Variants in PBX1 observed in about 807,000 individuals in gnomAD.
PBX1 encodes pre-B-cell leukemia transcription factor 1.
PBX1 carries 6 observed loss-of-function variants against 53.4 expected under a neutral mutation model. The ratio of observed to expected loss-of-function variants is 0.11; its 90% CI spans 0.06 to 0.22. The LOEUF is 0.22. Among genes scored for constraint, PBX1 ranks in the 10% least tolerant of loss-of-function variants. The pLI is 1.00. For missense variants in PBX1, 251 were observed against 551.4 expected, an observed-to-expected ratio of 0.46 and a Z score of 5.46; for synonymous variants, 204 against 212.3, an observed-to-expected ratio of 0.96 and a Z score of 0.34.
chr1:164,787,973 G>A (rs753563487), intron 2 of PBX1, among the ~76,000 whole-genome samples: 4 of 152,054 alleles, frequency 2.6e-5, no homozygotes, highest in Admixed American at 6.5e-5. Context: ...TAGTGGACGC[G>A]TCCGGGCCTG....
At position 164,645,892 on chromosome 1, in the gene PBX1, G is replaced by A. The variant is rs192626068; in HGVS notation, c.265+82581G>A. Among the ~76,000 whole-genome samples, 815 of 152,292 alleles carry A rather than the reference G, an allele frequency of 5.4e-3. 6 individuals carry two copies. The highest frequency in any genetic ancestry group is 0.019 in the African/African-American group (783 of 41,566). ...TTGAATTTTGAGGCAGGAGTTGTGT[G>A]ATAGGTAAAGAACTGCATTGAGAAG... On this transcript the variant is annotated intron_variant, in intron 2 of 8. Coordinates refer to ENST00000420696, the MANE Select transcript of PBX1 (RefSeq NM_002585.4).
At chr1:164,828,105 C>T (rs1282385672) in intron 8 of PBX1, among the ~76,000 whole-genome samples, 1 of 152,084 alleles carries the variant, frequency 6.6e-6, no homozygotes, top group Non-Finnish European at 1.5e-5. Flanking sequence ...AAGTACCAAC[C>T]CCAACCAAAT....
chr1:164,598,392 C>A (rs1655912386), intron 2 of PBX1, among the ~76,000 whole-genome samples: 1 of 152,076 alleles, frequency 6.6e-6, no homozygotes, highest in South Asian at 2.1e-4. Context: ...GGTGTCGAGA[C>A]CAAGGCACAC....
chr1:164,743,872 G>T lies in PBX1; in HGVS notation c.266-48622G>T, dbSNP rs1343380590. Reference sequence around the variant, plus strand: ...AGTATAACACTTACATATATGTACAGTTATCCAGAACTTAGTCCTATGGCT... The same window carrying T: ...AGTATAACACTTACATATATGTACATTTATCCAGAACTTAGTCCTATGGCT... On this transcript the variant is annotated intron_variant, in intron 2 of 8. Coordinates refer to ENST00000420696, the MANE Select transcript of PBX1 (RefSeq NM_002585.4). Among the ~76,000 whole-genome samples the T allele has an allele frequency of 2.6e-5, 4 of 152,182 alleles. No homozygotes were observed. In the East Asian group the frequency reaches 7.7e-4, roughly 29 times the overall value.
chr1:164,571,873 GTATATATATA>G (rs59338120), intron 2 of PBX1, among the ~76,000 whole-genome samples: 864 of 29,908 alleles, frequency 0.029, 17 homozygotes, highest in Middle Eastern at 0.038. Context: ...TCTGTACATT[GTATATATATA>G]TATATATATA....
intron 8 of PBX1, among the ~76,000 whole-genome samples, chr1:164,833,548 G>C (rs1166516704): frequency 6.6e-6 from 1 of 152,136 alleles, no homozygotes; most frequent in African/African-American, 2.4e-5. Flanking sequence ...AGTTCCTTCA[G>C]ACTGTGCCTA....
chr1:164,724,854 C>T (rs1475786299), intron 2 of PBX1, among the ~76,000 whole-genome samples: 2 of 151,942 alleles, frequency 1.3e-5, no homozygotes, highest in African/African-American at 4.8e-5. Flanking sequence ...TTTGTTGCCT[C>T]TCCAGGTGTG....
At chr1:164,637,516 C>T (rs1188823021) in intron 2 of PBX1, among the ~76,000 whole-genome samples, 4 of 152,090 alleles carry the variant, frequency 2.6e-5, no homozygotes, top group Non-Finnish European at 5.9e-5. Flanking sequence ...TGTTTTTTAT[C>T]GACCAAAGGC....
chr1:164,619,183 TGATTCCCTCTTTA>T (rs1396515799), intron 2 of PBX1, among the ~76,000 whole-genome samples: 2 of 152,130 alleles, frequency 1.3e-5, no homozygotes, highest in South Asian at 4.1e-4. Context: ...AAACCACCTT[TGATTCCCTCTTTA>T]GCTTACAGGT....
chr1:164,628,004 A>G (rs1232595411), intron 2 of PBX1, among the ~76,000 whole-genome samples: 1 of 152,194 alleles, frequency 6.6e-6, no homozygotes, highest in African/African-American at 2.4e-5. Context: ...TTTTAGATTC[A>G]GGTAACTGAG....
intron 2 of PBX1, among the ~76,000 whole-genome samples, chr1:164,673,386 A>G (rs1228743823): frequency 6.6e-6 from 1 of 151,894 alleles, no homozygotes; most frequent in Non-Finnish European, 1.5e-5. Flanking sequence ...TAGTGAGTCC[A>G]AGCTTCAGGG....
rs141341198 is a variant in PBX1 at position 164,754,688 on chromosome 1, C to CGT, written c.266-37792_266-37791dup. 3.5e-3 allele frequency among the ~76,000 whole-genome samples: 531 copies of CGT among 151,366 alleles called. 4 individuals are homozygous for CGT. Among genetic ancestry groups the CGT allele is most frequent in the Admixed American group, 5.2e-3 (79 of 15,180 alleles). ...GTGTGTACGTGCGTGCACGTGCGTG[C>CGT]GTGTGTGTGTGTGTGAGAGAGAGAG... On this transcript the variant is annotated intron_variant, in intron 2 of 8. Transcript: ENST00000420696.
At chr1:164,592,949 C>T (rs1655503489) in intron 2 of PBX1, among the ~76,000 whole-genome samples, 1 of 150,526 alleles carries the variant, frequency 6.6e-6, no homozygotes, top group South Asian at 2.1e-4. Flanking sequence ...GCACACAATC[C>T]TTAGATTTTT....
intron 8 of PBX1, among the ~76,000 whole-genome samples, chr1:164,834,272 T>C (rs1245914462): frequency 6.6e-6 from 1 of 151,998 alleles, no homozygotes; most frequent in African/African-American, 2.4e-5. Flanking sequence ...AAAGGAGACC[T>C]AATGCCTGTT....
intron 2 of PBX1, among the ~76,000 whole-genome samples, chr1:164,609,145 G>T (rs7550622): frequency 0.069 from 10,513 of 151,948 alleles, 464 homozygotes; most frequent in Non-Finnish European, 0.098. Flanking sequence ...AGGCCTCTTT[G>T]TTCTTTTCTT....
At chr1:164,800,529 A>G (rs906589471) in intron 4 of PBX1, among the ~76,000 whole-genome samples, 1 of 152,184 alleles carries the variant, frequency 6.6e-6, no homozygotes, top group Non-Finnish European at 1.5e-5. Flanking sequence ...GATAGAAAGG[A>G]CCTTTAAAAG....
At chr1:164,817,068 G>A (rs1008442974) in intron 6 of PBX1, 5 of 152,150 alleles carry the variant, frequency 3.3e-5, no homozygotes, top group Admixed American at 2.6e-4. Context: ...AAATGTCTGG[G>A]TGGCAGTTTA....
At chr1:164,603,739 C>T (rs541864912) in intron 2 of PBX1, among the ~76,000 whole-genome samples, 5 of 152,132 alleles carry the variant, frequency 3.3e-5, no homozygotes, top group Non-Finnish European at 5.9e-5. Context: ...TAAGTCATGT[C>T]CTGAGTTTAT....
At chr1:164,729,388 T>A (rs2102132164) in intron 2 of PBX1, among the ~76,000 whole-genome samples, 1 of 152,320 alleles carries the variant, frequency 6.6e-6, no homozygotes, top group African/African-American at 2.4e-5. Context: ...TTTCCTTATC[T>A]TTATCATCCA....
Sources: gnomAD v4.1 joint callset for allele counts (sites outside exome capture counted in the v4.1 genomes callset) on GRCh38, gnomAD v4.1.1 for gene constraint, MANE v1.5 for transcripts, NCBI Gene and HGNC (gene_info 2026-07-23, HGNC 2026-07-21) for gene names.